The following CLSTN2 variants were observed in gnomAD, a reference collection of about 807,000 sequenced individuals.
CLSTN2 encodes calsyntenin 2, also known as calsyntenin-2.
CLSTN2 carries 48 observed loss-of-function variants against 101.2 expected under a neutral mutation model. The ratio of observed to expected loss-of-function variants is 0.47; its 90% confidence interval spans 0.38 to 0.60. The LOEUF is 0.60. CLSTN2 is among the 20% of genes least tolerant of loss of function. The pLI is 0.00. For missense variants in CLSTN2, 1,160 were observed against 1,238.2 expected (o/e 0.94, Z 0.95); for synonymous variants, 481 against 463.6 (o/e 1.04, Z -0.48).
intron 1 of CLSTN2, among the ~76,000 whole-genome samples, chr3:140,036,236 C>G (rs1040591848): frequency 6.6e-6 from 1 of 151,972 alleles, no homozygotes; most frequent in Non-Finnish European, 1.5e-5. Flanking sequence ...CTTTCTGAAG[C>G]ACTAACAATC....
At chr3:140,294,047 G>C (rs2086980293) in intron 2 of CLSTN2, among the ~76,000 whole-genome samples, 1 of 152,134 alleles carries the variant, frequency 6.6e-6, no homozygotes. Context: ...CTTCCAAAGG[G>C]GCAGTTGGAC....
chr3:140,263,212 C>A (rs950813720), intron 2 of CLSTN2, among the ~76,000 whole-genome samples: 2 of 152,132 alleles, frequency 1.3e-5, no homozygotes, highest in African/African-American at 4.8e-5. Flanking sequence ...ACTGACAAAA[C>A]CTCCAGTTGC....
chr3:140,446,167 C>G (rs1264859607), intron 5 of CLSTN2, among the ~76,000 whole-genome samples: 1 of 152,198 alleles, frequency 6.6e-6, no homozygotes, highest in Non-Finnish European at 1.5e-5. Context: ...CCACCTTTTG[C>G]TCCAGTGGTT....
intron 1 of CLSTN2, among the ~76,000 whole-genome samples, chr3:139,973,674 T>G (rs931399642): frequency 3.3e-5 from 5 of 152,202 alleles, no homozygotes; most frequent in Non-Finnish European, 5.9e-5. Context: ...GGTCTCTTTC[T>G]GTCACCCAGG....
chr3:140,346,441 A>G (rs1039481277), intron 2 of CLSTN2, among the ~76,000 whole-genome samples: 1 of 151,850 alleles, frequency 6.6e-6, no homozygotes, highest in African/African-American at 2.4e-5. Context: ...CTTTCAACCC[A>G]CTCCGTGTAA....
intron 1 of CLSTN2, among the ~76,000 whole-genome samples, chr3:139,982,614 C>A (rs1370961836): frequency 6.6e-6 from 1 of 152,104 alleles, no homozygotes; most frequent in Non-Finnish European, 1.5e-5. Context: ...GTGTTCAGAA[C>A]CAATCTGTCT....
At chr3:140,201,858 T>A (rs571508002) in intron 2 of CLSTN2, among the ~76,000 whole-genome samples, 2 of 151,742 alleles carry the variant, frequency 1.3e-5, no homozygotes, top group East Asian at 3.9e-4. Context: ...ATATAATAAG[T>A]TAGATACAAA....
intron 1 of CLSTN2, among the ~76,000 whole-genome samples, chr3:140,017,684 C>T (rs1560070884): frequency 6.6e-6 from 1 of 152,204 alleles, no homozygotes; most frequent in African/African-American, 2.4e-5. Context: ...GGAGTGACTC[C>T]TTTCCAAGAG....
intron 1 of CLSTN2, among the ~76,000 whole-genome samples, chr3:140,118,812 T>C (rs2009290038): frequency 6.6e-6 from 1 of 152,144 alleles, no homozygotes; most frequent in South Asian, 2.1e-4. Flanking sequence ...CAGAAATGCG[T>C]GTTATGTCAG....
At chr3:140,264,737 A>T (rs2086681677) in intron 2 of CLSTN2, among the ~76,000 whole-genome samples, 1 of 152,096 alleles carries the variant, frequency 6.6e-6, no homozygotes, top group African/African-American at 2.4e-5. Context: ...GGAGCATGGG[A>T]CAGAGAGAGC....
At chr3:139,939,736 T>C (rs569818689) in intron 1 of CLSTN2, among the ~76,000 whole-genome samples, 2 of 152,304 alleles carry the variant, frequency 1.3e-5, no homozygotes, top group African/African-American at 4.8e-5. Flanking sequence ...AAAGGTAGTG[T>C]GGAATTTTTA....
chr3:140,336,329 A>G (rs1299793078), intron 2 of CLSTN2, among the ~76,000 whole-genome samples: 2 of 152,236 alleles, frequency 1.3e-5, no homozygotes, highest in Non-Finnish European at 2.9e-5. Flanking sequence ...GCAGCTCTGT[A>G]GTAGAGACAG....
In CLSTN2 at chr3:140,311,667, T is replaced by A. The variant is rs537389327; in HGVS notation, c.233-91962T>A. The stretch of plus-strand genomic sequence containing the variant: ...TGAGAGTTTTATATGCAATAACTCA[T>A]GTAATCATCATGACAACACCATGAG... On this transcript the variant is annotated intron_variant, in intron 2 of 16. Transcript: ENST00000458420. Among the ~76,000 whole-genome samples the A allele has an allele frequency of 2.0e-5, 3 of 152,200 alleles. No homozygotes were observed. The South Asian group carries it at 6.2e-4, about 32-fold the overall frequency.
rs35440144 is a variant in CLSTN2, at chr3:140,149,767, A to AT, written c.110-26178dup. On this transcript the variant is annotated intron_variant, in intron 1 of 16. Transcript: ENST00000458420. ...CCACCGCGCCTGGCCAATAAATAGCATTTTTTAGTAGAACCATGTCCAGAC... is the reference window on the plus strand; with the variant it reads ...CCACCGCGCCTGGCCAATAAATAGCATTTTTTTAGTAGAACCATGTCCAGAC... Among the ~76,000 whole-genome samples, 9 of 152,170 alleles carry AT rather than the reference A, an allele frequency of 5.9e-5. 1 individual carries two copies. The highest frequency in any genetic ancestry group is 5.2e-4 in the Admixed American group (8 of 15,280).
At chr3:140,411,924 T>C (rs1259959971) in intron 4 of CLSTN2, among the ~76,000 whole-genome samples, 2 of 152,170 alleles carry the variant, frequency 1.3e-5, no homozygotes, top group Non-Finnish European at 2.9e-5. Flanking sequence ...GAACAGGAAG[T>C]GCAGGCTGGT....
intron 8 of CLSTN2, among the ~76,000 whole-genome samples, chr3:140,485,750 C>T (rs993001442): frequency 4.6e-5 from 7 of 152,100 alleles, no homozygotes; most frequent in Admixed American, 1.3e-4. Flanking sequence ...TAGGACCCTC[C>T]GAGCCATGCG....
intron 4 of CLSTN2, among the ~76,000 whole-genome samples, chr3:140,411,734 A>G (rs1175924546): frequency 6.6e-6 from 1 of 152,230 alleles, no homozygotes; most frequent in Non-Finnish European, 1.5e-5. Flanking sequence ...AACCACCAGA[A>G]GCTCAGACAA....
chr3:140,228,376 A>G (rs2086341490), intron 2 of CLSTN2, among the ~76,000 whole-genome samples: 1 of 152,160 alleles, frequency 6.6e-6, no homozygotes. Context: ...TCTCCATCTG[A>G]GACCACCTCA....
At chr3:140,551,177 T>A (rs1050552875) in intron 10 of CLSTN2, among the ~76,000 whole-genome samples, 5 of 151,934 alleles carry the variant, frequency 3.3e-5, no homozygotes, top group Non-Finnish European at 7.4e-5. Context: ...CCTCCCTCCC[T>A]TTACTCCTCA....
Sources: gnomAD v4.1 joint callset for allele counts (sites outside exome capture counted in the v4.1 genomes callset) on GRCh38, gnomAD v4.1.1 for gene constraint, MANE v1.5 for transcripts, NCBI Gene and HGNC (gene_info 2026-07-23, HGNC 2026-07-21) for gene names.